AK7: variants seen among roughly 807,000 people sequenced by gnomAD.
The protein encoded by AK7 is ATP-AMP transphosphorylase 7.
Under a neutral mutation model 96.6 loss-of-function variants are expected in AK7, and 78 were observed. That is an observed-to-expected ratio of 0.81 (90% CI 0.67 to 0.97). The LOEUF (loss-of-function observed/expected upper bound fraction) is 0.97. AK7 is among the 50% of genes least tolerant of loss of function. The pLI, the probability that AK7 is intolerant of heterozygous loss-of-function variation, is 0.00. For missense variants in AK7, 855 were observed against 887.9 expected (o/e 0.96, Z 0.47); for synonymous variants, 302 against 317.2 (o/e 0.95, Z 0.51).
chr14:96,417,742 C>G (rs1284958187), intron 4 of AK7, among the ~76,000 whole-genome samples: 2 of 152,188 alleles, frequency 1.3e-5, no homozygotes, highest in Admixed American at 1.3e-4. Flanking sequence ...ATCCATCCTC[C>G]ATAGTACCAC....
chr14:96,467,022 A>C (rs969832036), intron 12 of AK7, among the ~76,000 whole-genome samples: 1 of 150,658 alleles, frequency 6.6e-6, no homozygotes, highest in Admixed American at 6.7e-5. Flanking sequence ...TTACTGAGGA[A>C]ATCTGTAAGT....
intron 5 of AK7, among the ~76,000 whole-genome samples, chr14:96,431,823 C>T (rs1892369677): frequency 6.6e-6 from 1 of 152,164 alleles, no homozygotes; most frequent in Non-Finnish European, 1.5e-5. Flanking sequence ...TGTTAACCTT[C>T]TGTCTCATTG....
intron 10 of AK7, among the ~76,000 whole-genome samples, chr14:96,455,495 A>C (rs1893847587): frequency 6.6e-6 from 1 of 152,190 alleles, no homozygotes; most frequent in Non-Finnish European, 1.5e-5. Context: ...AATACAAAAC[A>C]AAACAAAACA....
intron 7 of AK7, among the ~76,000 whole-genome samples, chr14:96,443,682 T>C (rs1271181482): frequency 6.6e-6 from 1 of 152,048 alleles, no homozygotes; most frequent in Non-Finnish European, 1.5e-5. Flanking sequence ...TCGGCTTCCC[T>C]GGGCCACATT....
intron 8 of AK7, among the ~76,000 whole-genome samples, chr14:96,449,298 CTG>C (rs1366865047): frequency 6.6e-6 from 1 of 152,162 alleles, no homozygotes; most frequent in Non-Finnish European, 1.5e-5. Context: ...GTGTACAGTT[CTG>C]TCTCTCTTTT....
At chr14:96,464,033 C>A (rs1349254028) in intron 12 of AK7, among the ~76,000 whole-genome samples, 1 of 151,952 alleles carries the variant, frequency 6.6e-6, no homozygotes, top group Non-Finnish European at 1.5e-5. Flanking sequence ...TCTTAGATCT[C>A]ACGCAGGAAA....
At chr14:96,415,753 A>G (rs1251935927) in intron 4 of AK7, among the ~76,000 whole-genome samples, 2 of 145,450 alleles carry the variant, frequency 1.4e-5, no homozygotes, top group South Asian at 4.2e-4. Context: ...TAAATTAATT[A>G]ATTTAATACA....
Position 96,478,647 on chromosome 14 carries a change from C to T in AK7, c.1738C>T (p.His580Tyr). Reference protein sequence around the residue: ...VFNYFDELEIHPIHIDVGKLE... With the variant: ...VFNYFDELEIYPIHIDVGKLE... ...CAACTATTTTGATGAACTTGAAATT[C>T]ACCCGATACATATTGGTATGAAATG... Residue 580 changes from histidine (H) to tyrosine (Y), a missense_variant, in exon 15 of 18, where the codon CAC becomes TAC. Transcript: ENST00000267584. 3 of 1,613,936 alleles carry T rather than the reference C, an allele frequency of 1.9e-6. No individual in the cohort carries two copies. Among genetic ancestry groups the T allele is most frequent in the Non-Finnish European group, 1.7e-6 (2 of 1,179,878 alleles).
Position 96,398,547 on chromosome 14 carries a change from A to G in AK7, c.294+284A>G, listed in dbSNP as rs188414017. 5.9e-5 allele frequency: 25 copies of G among 421,056 alleles called. No individual in the cohort carries two copies. The Admixed American group carries it at 9.7e-4, about 16-fold the overall frequency. 26.1% of individuals were successfully genotyped at this position (421,056 alleles called of 1,614,324 possible). A position where few individuals can be genotyped will look rare whatever the true frequency, so the allele number is the denominator to read the frequency against. On this transcript the variant is annotated intron_variant, in intron 2 of 17. Coordinates refer to ENST00000267584, the MANE Select transcript of AK7 (RefSeq NM_152327.5). ...TCCTCTTCAGCATATTCTGCCTTGC[A>G]TTATCCAAGACGAGTCTGTGCCATG...
intron 11 of AK7, 30 bp from the exon 12 acceptor site, chr14:96,458,053 A>T: frequency 6.2e-7 from 1 of 1,608,478 alleles, no homozygotes; most frequent in South Asian, 1.1e-5. Context: ...GTGGGGCATC[A>T]TCCAATGTGA....
intron 15 of AK7, among the ~76,000 whole-genome samples, chr14:96,479,766 C>T (rs957527279): frequency 6.6e-6 from 1 of 152,170 alleles, no homozygotes; most frequent in Non-Finnish European, 1.5e-5. Flanking sequence ...GACCTTCGCA[C>T]GTATTCCTCC....
At chr14:96,403,516 G>A (rs1443535949) in intron 2 of AK7, among the ~76,000 whole-genome samples, 2 of 152,158 alleles carry the variant, frequency 1.3e-5, no homozygotes, top group African/African-American at 4.8e-5. Flanking sequence ...AGGGAACAGG[G>A]CTGGAGAAAC....
intron 4 of AK7, among the ~76,000 whole-genome samples, chr14:96,414,193 G>A (rs1306717151): frequency 1.3e-5 from 2 of 152,192 alleles, no homozygotes; most frequent in African/African-American, 2.4e-5. Context: ...TGGCTCCAAC[G>A]CCTTCCAGAA....
chr14:96,458,354 G>C (rs1894056604), intron 12 of AK7, 142 bp downstream of exon 12: 1 of 1,116,608 alleles, frequency 9.0e-7, no homozygotes, highest in East Asian at 2.8e-5. Flanking sequence ...CCAGCACTTT[G>C]GGAGTCTGAG....
At chr14:96,487,100 T>C in intron 17 of AK7, 44 bp downstream of exon 17, 2 of 1,602,044 alleles carry the variant, frequency 1.2e-6, no homozygotes, top group Non-Finnish European at 1.7e-6. Context: ...TGAGTTTGGG[T>C]GTGGCGGCTT....
intron 12 of AK7, among the ~76,000 whole-genome samples, chr14:96,471,022 A>T (rs978738409): frequency 1.3e-5 from 2 of 152,166 alleles, no homozygotes; most frequent in African/African-American, 4.8e-5. Context: ...ATTAGAATTC[A>T]CATCATGTTC....
Position 96,489,236 on chromosome 14 carries a change from C to G in AK7, c.*893C>G, listed in dbSNP as rs1166750436. On this transcript the variant is annotated 3_prime_UTR_variant, in exon 18 of 18. Coordinates refer to ENST00000267584, the MANE Select transcript of AK7 (RefSeq NM_152327.5). ...TTTTAAAGTGTATAATTCAGTGGCA[C>G]TAAGTTCATTCACAATGATCTGCAG... 1 of 152,160 alleles carries G rather than the reference C, an allele frequency of 6.6e-6. No individual in the cohort carries two copies. The highest frequency in any genetic ancestry group is 1.5e-5 in the Non-Finnish European group (1 of 68,038). 9.4% of individuals were successfully genotyped at this position (152,160 alleles called of 1,614,324 possible). A position where few individuals can be genotyped will look rare whatever the true frequency, so the allele number is the denominator to read the frequency against.
chr14:96,481,798 G>T (rs28711146), intron 15 of AK7, among the ~76,000 whole-genome samples: 2 of 149,194 alleles, frequency 1.3e-5, no homozygotes, highest in African/African-American at 5.0e-5. Flanking sequence ...TCTGCTTCCC[G>T]GGTTCAAGTG....
intron 8 of AK7, among the ~76,000 whole-genome samples, chr14:96,448,421 A>T (rs1406130188): frequency 6.6e-6 from 1 of 151,934 alleles, no homozygotes; most frequent in East Asian, 1.9e-4. Flanking sequence ...ACCTCAGGCC[A>T]GGAGTCCAAG....
Sources: gnomAD v4.1 joint callset for allele counts (sites outside exome capture counted in the v4.1 genomes callset) on GRCh38, gnomAD v4.1.1 for gene constraint, MANE v1.5 for transcripts, NCBI Gene and HGNC (gene_info 2026-07-23, HGNC 2026-07-21) for gene names.